Variants in PLEKHA6 observed in about 807,000 individuals in gnomAD.
PLEKHA6 encodes the protein pleckstrin homology domain containing A6.
A neutral mutation model predicts 116.7 loss-of-function variants in PLEKHA6; 60 were observed. That is an observed-to-expected ratio of 0.51 (90% CI 0.42 to 0.64). The LOEUF (loss-of-function observed/expected upper bound fraction) is 0.64, where lower values mean the gene tolerates loss of function less well. Ranked by LOEUF, PLEKHA6 falls within the 30% of genes least tolerant of loss-of-function variation. The pLI, the probability that PLEKHA6 is intolerant of heterozygous loss-of-function variation, is 0.00. For synonymous variants in PLEKHA6, 489 were observed against 556.1 expected, an observed-to-expected ratio of 0.88 and a Z score of 1.70; for missense variants, 1,338 against 1,422.7, an observed-to-expected ratio of 0.94 and a Z score of 0.96.
In PLEKHA6 at chr1:204,273,694, T is replaced by G. The variant is rs747263724; in HGVS notation, c.34A>C (p.Thr12Pro). 6.2e-7 allele frequency: 1 copy of G among 1,614,142 alleles called. No individual in the cohort carries two copies. The highest frequency in any genetic ancestry group is 1.7e-5 in the Admixed American group (1 of 60,028). The stretch of plus-strand genomic sequence containing the variant: ...TGGTTGGGTATGTCACTGTTGGTGG[T>G]AGCCGGGCGTTTCCCACCTGTTTTA... ...SNKTGGKRPA[T>P]TNSDIPNHNM... Residue 12 changes from threonine to proline, a missense_variant, in exon 3 of 23, where the codon ACC (threonine) becomes CCC (proline). Around this residue, in one of 3 missense-constraint regions of PLEKHA6, gnomAD observed 62 missense variants for 61.7 expected, o/e 1.01. Transcript: ENST00000272203.
In PLEKHA6 at chr1:204,258,704, A is replaced by G. The variant is rs1457938108; in HGVS notation, c.1007+554T>C. On this transcript the variant is annotated intron_variant, in intron 8 of 22. Coordinates refer to ENST00000272203, the MANE Select transcript of PLEKHA6 (RefSeq NM_014935.5). ...TTGGGCCCAATAAATGTCCCCAGAT[A>G]TTTCAAAGTCAGTCATTGGATAAAG... 2.0e-5 allele frequency among the ~76,000 whole-genome samples: 3 copies of G among 152,352 alleles called. No individual in the cohort carries two copies. The East Asian group carries it at 5.8e-4, about 29-fold the overall frequency.
At position 204,247,372 on chromosome 1, in the gene PLEKHA6, T is replaced by C. The variant is rs760399439; in HGVS notation, c.1913A>G (p.Asp638Gly). The part of the protein sequence containing the change: ...HDDLWEQLNL[D>G]TQNEVLNRQI... ...TCAGGGGCCCTTCTTCACCTGGGTG[T>C]CCAAATTGAGCTGCTCCCAGAGGTC... is the stretch of plus-strand genomic sequence containing the variant. Residue 638 changes from aspartate (D) to glycine (G), a missense_variant, in exon 13 of 23, where the codon GAC (aspartate) becomes GGC (glycine). Transcript: ENST00000272203. 1.2e-6 allele frequency: 2 copies of C among 1,607,782 alleles called. No individual in the cohort carries two copies. Among genetic ancestry groups the C allele is most frequent in the East Asian group, 4.5e-5 (2 of 44,846 alleles).
intron 1 of PLEKHA6, among the ~76,000 whole-genome samples, chr1:204,323,484 C>T (rs1488752326): frequency 6.6e-6 from 1 of 152,250 alleles, no homozygotes; most frequent in Non-Finnish European, 1.5e-5. Flanking sequence ...AACATGCAGA[C>T]TAGGATCACT....
rs568372566 is a variant in PLEKHA6, at chr1:204,313,399, T to C, written c.-94-38590A>G. The C allele has an allele frequency of 7.7e-4, 137 of 177,380 alleles. 1 individual carries two copies. In the South Asian group the frequency reaches 0.025, roughly 33 times the overall value. The allele number at this position is 177,380 out of a possible 1,614,324, so 11.0% of individuals were successfully genotyped here. A position where few individuals can be genotyped will look rare whatever the true frequency, so the allele number is the denominator to read the frequency against. On this transcript the variant is annotated intron_variant, in intron 1 of 22. Coordinates refer to ENST00000272203, the MANE Select transcript of PLEKHA6 (RefSeq NM_014935.5). ...CACCGGGTTGTCCTCCACTCCAGGATGCCTACCTCCAGAAACATGCACATT... is the reference window on the plus strand; with the variant it reads ...CACCGGGTTGTCCTCCACTCCAGGACGCCTACCTCCAGAAACATGCACATT...
intron 1 of PLEKHA6, among the ~76,000 whole-genome samples, chr1:204,337,716 TG>T (rs111598665): frequency 0.11 from 16,196 of 151,574 alleles, 2,006 homozygotes; most frequent in African/African-American, 0.3. Context: ...GTCTCTCACT[TG>T]GGGGGGGAAT....
intron 1 of PLEKHA6, among the ~76,000 whole-genome samples, chr1:204,355,202 C>A (rs911691656): frequency 6.6e-6 from 1 of 152,220 alleles, no homozygotes; most frequent in East Asian, 1.9e-4. Flanking sequence ...TCATGCAAAT[C>A]AACAAGGTAA....
At position 204,328,093 on chromosome 1, in the gene PLEKHA6, T is replaced by C. The variant is rs905873821; in HGVS notation, c.-95+31601A>G. Among the ~76,000 whole-genome samples, 4 of 126,870 alleles carry C rather than the reference T, an allele frequency of 3.2e-5. No individual in the cohort carries two copies. In the South Asian group the frequency reaches 1.0e-3, roughly 33 times the overall value. 83.2% of individuals were successfully genotyped at this position (126,870 alleles called of 152,430 possible). A position where few individuals can be genotyped will look rare whatever the true frequency, so the allele number is the denominator to read the frequency against. On this transcript the variant is annotated intron_variant, in intron 1 of 22. Coordinates refer to ENST00000272203, the MANE Select transcript of PLEKHA6 (RefSeq NM_014935.5). Reference sequence around the variant, plus strand: ...TTATTTATTTATTTATTTATTTATTTATTTTTGAGACAGAGTTTCACTCTT... The same window carrying C: ...TTATTTATTTATTTATTTATTTATTCATTTTTGAGACAGAGTTTCACTCTT...
chr1:204,266,962 C>T lies in PLEKHA6; in HGVS notation c.280+513G>A, dbSNP rs575123913. ...AAGGTGAAGCCAGAGGACATGTTCA[C>T]TCATTCAGTATTGACTGAGCACCGA... On this transcript the variant is annotated intron_variant, in intron 5 of 22. Coordinates refer to ENST00000272203, the MANE Select transcript of PLEKHA6 (RefSeq NM_014935.5). Among the ~76,000 whole-genome samples the T allele has an allele frequency of 3.3e-5, 5 of 152,324 alleles. No individual in the cohort carries two copies. In the East Asian group the frequency reaches 9.7e-4, roughly 29 times the overall value.
At chr1:204,278,450 TCA>T (rs1204530930) in intron 1 of PLEKHA6, among the ~76,000 whole-genome samples, 4 of 152,240 alleles carry the variant, frequency 2.6e-5, no homozygotes, top group Non-Finnish European at 5.9e-5. Context: ...TCTGTTGACA[TCA>T]CAGTCTGTTG....
chr1:204,254,908 A>G (rs2102706566), intron 9 of PLEKHA6, among the ~76,000 whole-genome samples: 1 of 152,226 alleles, frequency 6.6e-6, no homozygotes, highest in East Asian at 1.9e-4. Context: ...GCCTGTCTAA[A>G]CTCAGTCTCA....
At chr1:204,291,696 T>C (rs1040894194) in intron 1 of PLEKHA6, among the ~76,000 whole-genome samples, 1 of 152,256 alleles carries the variant, frequency 6.6e-6, no homozygotes, top group Non-Finnish European at 1.5e-5. Context: ...TATTCATTTA[T>C]GATTCCATTA....
intron 1 of PLEKHA6, among the ~76,000 whole-genome samples, chr1:204,330,151 ATCTTT>A (rs1450997385): frequency 6.6e-6 from 1 of 152,128 alleles, no homozygotes; most frequent in Non-Finnish European, 1.5e-5. Context: ...TAGAGTCCCT[ATCTTT>A]ACACTTGATC....
intron 1 of PLEKHA6, among the ~76,000 whole-genome samples, chr1:204,344,095 C>T (rs904597668): frequency 6.6e-6 from 1 of 152,038 alleles, no homozygotes; most frequent in African/African-American, 2.4e-5. Context: ...TTGAGACCAG[C>T]CTGGGCAACG....
chr1:204,269,715 T>A (rs1018197383), intron 3 of PLEKHA6, among the ~76,000 whole-genome samples: 1 of 152,172 alleles, frequency 6.6e-6, no homozygotes, highest in Non-Finnish European at 1.5e-5. Flanking sequence ...TCCCCTCCAA[T>A]GTCAAAAGAA....
intron 1 of PLEKHA6, among the ~76,000 whole-genome samples, chr1:204,303,930 G>T (rs1009811186): frequency 1.3e-5 from 2 of 152,106 alleles, no homozygotes; most frequent in South Asian, 4.1e-4. Context: ...GCCCAGGCTT[G>T]TCTTGAACTC....
At chr1:204,256,981 A>G (rs1376603383) in intron 9 of PLEKHA6, 5 of 582,176 alleles carry the variant, frequency 8.6e-6, no homozygotes, top group Non-Finnish European at 1.5e-5. Context: ...ATTTGTGTTC[A>G]GTTCCCAGAG....
At chr1:204,349,345 C>T (rs916981015) in intron 1 of PLEKHA6, among the ~76,000 whole-genome samples, 3 of 152,180 alleles carry the variant, frequency 2.0e-5, no homozygotes, top group Admixed American at 1.3e-4. Flanking sequence ...TCGAGACCAG[C>T]CTGGCCAATA....
Position 204,259,558 on chromosome 1 carries a change from G to A in PLEKHA6, c.707C>T (p.Ala236Val), listed in dbSNP as rs1193161288. The A allele has an allele frequency of 1.9e-6, 3 of 1,614,052 alleles. No homozygotes were observed. Among genetic ancestry groups the A allele is most frequent in the Non-Finnish European group, 2.5e-6 (3 of 1,180,034 alleles). The stretch of plus-strand genomic sequence containing the variant: ...CTCCGGTCCAGCTGGGAGGCCATTG[G>A]CTTTCACCGGAGGCTCTTTCTTGAC... The part of the protein sequence containing the change: ...PEVKKEPPVK[A>V]NGLPAGPEPA... Residue 236 changes from alanine to valine, a missense_variant, in exon 8 of 23, where the codon GCC becomes GTC. Around this residue, in one of 3 missense-constraint regions of PLEKHA6, gnomAD observed 1,136 missense variants for 1,163.6 expected, o/e 0.98. Transcript: ENST00000272203. The surrounding 1 kb of genome is among the most constrained non-coding windows in gnomAD (Gnocchi z 4.6).
At position 204,277,986 on chromosome 1, in the gene PLEKHA6, G is replaced by C. The variant is rs1195965784; in HGVS notation, c.-94-3177C>G. The C allele has an allele frequency of 6.6e-6, 1 of 152,314 alleles. No homozygotes were observed. Among genetic ancestry groups the C allele is most frequent in the African/African-American group, 2.4e-5 (1 of 41,476 alleles). The allele number at this position is 152,314 out of a possible 1,614,324, so 9.4% of individuals were successfully genotyped here. On this transcript the variant is annotated intron_variant, in intron 1 of 22. Transcript: ENST00000272203. This position sits in a 1 kb window ranked among gnomAD's most constrained non-coding sequence, Gnocchi z 4.1. Reference sequence around the variant, plus strand: ...AGAGGGCAGCAAATGGGGCTTGAGAGGGGGTCACTGTGTGTTTATGGCTGA... The same window carrying C: ...AGAGGGCAGCAAATGGGGCTTGAGACGGGGTCACTGTGTGTTTATGGCTGA...
Sources: gnomAD v4.1 joint callset for allele counts (sites outside exome capture counted in the v4.1 genomes callset) on GRCh38, gnomAD v4.1.1 for gene constraint, gnomAD v4.1.1 regional missense constraint, Gnocchi (gnomAD v3.1) non-coding constraint, MANE v1.5 for transcripts, NCBI Gene and HGNC (gene_info 2026-07-23, HGNC 2026-07-21) for gene names.